Variants in BCLAF1 observed in about 807,000 individuals in gnomAD.
BCLAF1 encodes the protein bcl-2-associated transcription factor 1.
In BCLAF1, 10 loss-of-function variants were observed where a neutral mutation model predicts 99.5. The ratio of observed to expected loss-of-function variants is 0.10; its 90% CI spans 0.06 to 0.17. The LOEUF (loss-of-function observed/expected upper bound fraction) is 0.17. BCLAF1 is among the 10% of genes least tolerant of loss of function. The pLI, the probability that BCLAF1 is intolerant of heterozygous loss-of-function variation, is 1.00. For missense variants in BCLAF1, 636 were observed against 1,105.8 expected (o/e 0.58, Z 6.02); for synonymous variants, 255 against 370.9 (o/e 0.69, Z 3.59).
chr6:136,276,564 C>T (rs1783445219), intron 4 of BCLAF1, 56 bp from the exon 5 acceptor site: 1 of 1,503,514 alleles, frequency 6.7e-7, no homozygotes, highest in Admixed American at 2.2e-5. Flanking sequence ...CTGTAGATCG[C>T]TTCCATATTT....
Position 136,269,537 on chromosome 6 carries a change from C to G in BCLAF1, c.2119G>C (p.Glu707Gln). The G allele has an allele frequency of 6.2e-7, 1 of 1,612,434 alleles. No individual in the cohort carries two copies. Among genetic ancestry groups the G allele is most frequent in the Non-Finnish European group, 8.5e-7 (1 of 1,179,018 alleles). The change falls in exon 9 of 13, where the codon GAA (glutamate) becomes CAA (glutamine). Residue 707 changes from glutamate (E) to glutamine (Q), a missense_variant. Glu to Gln is a conservative substitution (Grantham distance 29, BLOSUM62 2). Coordinates refer to ENST00000531224, the MANE Select transcript of BCLAF1 (RefSeq NM_014739.3). ...IDRRRKERSK[E>Q]RGDSKGSRES... ...CTGGAGCCCTTGGAATCTCCCCGTT[C>G]TTTACTTCTTTCTTTTCTACGGCGA...
chr6:136,273,287 A>G (rs1346744260), intron 6 of BCLAF1, 100 bp from the exon 7 acceptor site: 6 of 996,660 alleles, frequency 6.0e-6, no homozygotes, highest in Non-Finnish European at 7.5e-6. Flanking sequence ...GAAAATAAAA[A>G]TAAGAAACCT....
At position 136,278,164 on chromosome 6, in the gene BCLAF1, A is replaced by C. The variant is rs1165633993; in HGVS notation, c.717T>G (p.Ser239Arg). The change falls in exon 4 of 13, where the codon AGT (serine) becomes AGG (arginine). Residue 239 changes from serine to arginine, a missense_variant. Ser to Arg is a moderately radical substitution (Grantham distance 110). This residue lies in a region of BCLAF1 where 65 missense variants were observed against 90.9 expected (regional missense o/e 0.71). Transcript: ENST00000531224. The stretch of plus-strand genomic sequence containing the variant: ...GCATGGGAGCATCAGAGCAAGATGA[A>C]CTCTGACTAGGTGGTGTAGCAATAG... ...PSPIATPPSQ[S>R]SSCSDAPMLS... The C allele has an allele frequency of 2.5e-6, 4 of 1,612,730 alleles. No individual in the cohort carries two copies. Among genetic ancestry groups the C allele is most frequent in the Non-Finnish European group, 3.4e-6 (4 of 1,179,358 alleles).
intron 11 of BCLAF1, among the ~76,000 whole-genome samples, chr6:136,266,155 T>C (rs1450894628): frequency 3.9e-5 from 6 of 152,198 alleles, no homozygotes; most frequent in Non-Finnish European, 7.4e-5. Flanking sequence ...CTTCAAACTA[T>C]AGCTATAACC....
rs35195968 is a variant in BCLAF1, at chr6:136,256,669, C to CAATAAATAAATAAATAAATAAATA, written c.*4417_*4440dup. The CAATAAATAAATAAATAAATAAATA allele has an allele frequency of 2.0e-5, 3 of 152,318 alleles. No individual in the cohort carries two copies. The highest frequency in any genetic ancestry group is 1.9e-4 in the East Asian group (1 of 5,220). 9.4% of individuals were successfully genotyped at this position (152,318 alleles called of 1,614,324 possible). A position where few individuals can be genotyped will look rare whatever the true frequency, so the allele number is the denominator to read the frequency against. ...CTCTAGTCTGGGTAAGACTCCATCT[C>CAATAAATAAATAAATAAATAAATA]AATAAATAAATAAATAAATAAATAA... On this transcript the variant is annotated 3_prime_UTR_variant, in exon 13 of 13. Coordinates refer to ENST00000531224, the MANE Select transcript of BCLAF1 (RefSeq NM_014739.3).
At position 136,257,987 on chromosome 6, in the gene BCLAF1, A is replaced by G. The variant is rs544884508; in HGVS notation, c.*3123T>C. 2 of 152,280 alleles carry G rather than the reference A, an allele frequency of 1.3e-5. No homozygotes were observed. The highest frequency in any genetic ancestry group is 4.1e-4 in the South Asian group (2 of 4,834). 9.4% of individuals were successfully genotyped at this position (152,280 alleles called of 1,614,324 possible). A position where few individuals can be genotyped will look rare whatever the true frequency, so the allele number is the denominator to read the frequency against. On this transcript the variant is annotated 3_prime_UTR_variant, in exon 13 of 13. Coordinates refer to ENST00000531224, the MANE Select transcript of BCLAF1 (RefSeq NM_014739.3). ...ATAATTAAGCTACCAATGATCTTAC[A>G]CAACACTTTACATGCATATGTATGT...
rs1365735035 is a variant in BCLAF1, at chr6:136,260,611, T to C, written c.*499A>G. ...TTAGTTTACCATAGTAACAACTTTT[T>C]GTCTGTGGTATACTTCAAAAATCAG... On this transcript the variant is annotated 3_prime_UTR_variant, in exon 13 of 13. Coordinates refer to ENST00000531224, the MANE Select transcript of BCLAF1 (RefSeq NM_014739.3). 7.0e-5 allele frequency: 11 copies of C among 157,064 alleles called. No homozygotes were observed. Among genetic ancestry groups the C allele is most frequent in the East Asian group, 1.9e-4 (1 of 5,384 alleles). 9.7% of individuals were successfully genotyped at this position (157,064 alleles called of 1,614,324 possible).
At chr6:136,265,045 T>C (rs1781534734) in intron 11 of BCLAF1, among the ~76,000 whole-genome samples, 1 of 152,190 alleles carries the variant, frequency 6.6e-6, no homozygotes, top group Non-Finnish European at 1.5e-5. Flanking sequence ...ATTTAATATT[T>C]GTAAATTGTT....
chr6:136,270,073 C>A (rs748898591), intron 8 of BCLAF1: 1 of 151,752 alleles, frequency 6.6e-6, no homozygotes, highest in Non-Finnish European at 1.5e-5. Context: ...ATTACTTAAG[C>A]CTCATTATGA....
chr6:136,284,711 T>C (rs1250275267), intron 1 of BCLAF1, among the ~76,000 whole-genome samples: 1 of 152,208 alleles, frequency 6.6e-6, no homozygotes, highest in Non-Finnish European at 1.5e-5. Flanking sequence ...GGCACTACTA[T>C]TCTAACGTTG....
intron 11 of BCLAF1, among the ~76,000 whole-genome samples, chr6:136,263,510 T>C (rs1190127050): frequency 6.6e-6 from 1 of 152,168 alleles, no homozygotes; most frequent in African/African-American, 2.4e-5. Context: ...AAGATTTCAG[T>C]CTCATTATTA....
At position 136,258,084 on chromosome 6, in the gene BCLAF1, G is replaced by C. The variant is rs921990168; in HGVS notation, c.*3026C>G. ...CATTTGTATGAGTCAAAATGTGTCAGTTTGTCTTAGTACACAAATTTCTGT... is the reference window on the plus strand; with the variant it reads ...CATTTGTATGAGTCAAAATGTGTCACTTTGTCTTAGTACACAAATTTCTGT... On this transcript the variant is annotated 3_prime_UTR_variant, in exon 13 of 13. Coordinates refer to ENST00000531224, the MANE Select transcript of BCLAF1 (RefSeq NM_014739.3). 6.6e-6 allele frequency: 1 copy of C among 152,066 alleles called. No individual in the cohort carries two copies. The highest frequency in any genetic ancestry group is 1.5e-5 in the Non-Finnish European group (1 of 67,930). The allele number at this position is 152,066 out of a possible 1,614,324, so 9.4% of individuals were successfully genotyped here. A position where few individuals can be genotyped will look rare whatever the true frequency, so the allele number is the denominator to read the frequency against.
At chr6:136,289,484 C>T (rs1484758795) in intron 1 of BCLAF1, among the ~76,000 whole-genome samples, 1 of 152,012 alleles carries the variant, frequency 6.6e-6, no homozygotes, top group Non-Finnish European at 1.5e-5. Flanking sequence ...TTCGCAAACA[C>T]GCGCGCGCCC....
chr6:136,273,774 T>C (rs781171700), intron 6 of BCLAF1, among the ~76,000 whole-genome samples: 3 of 152,070 alleles, frequency 2.0e-5, no homozygotes, highest in Non-Finnish European at 4.4e-5. Context: ...GCAAATTTGA[T>C]ATTGCTGTTT....
In BCLAF1 at chr6:136,260,061, T is replaced by C. The variant is rs1023202358; in HGVS notation, c.*1049A>G. 6.6e-6 allele frequency: 1 copy of C among 152,010 alleles called. No homozygotes were observed. The allele number at this position is 152,010 out of a possible 1,614,324, so 9.4% of individuals were successfully genotyped here. A position where few individuals can be genotyped will look rare whatever the true frequency, so the allele number is the denominator to read the frequency against. On this transcript the variant is annotated 3_prime_UTR_variant, in exon 13 of 13. Coordinates refer to ENST00000531224, the MANE Select transcript of BCLAF1 (RefSeq NM_014739.3). ...CCGCAACAAGCTTCCTGCCAAAACTTTTATTGGTGACATTTGAAAAACAAT... is the reference window on the plus strand; with the variant it reads ...CCGCAACAAGCTTCCTGCCAAAACTCTTATTGGTGACATTTGAAAAACAAT...
intron 3 of BCLAF1, among the ~76,000 whole-genome samples, chr6:136,279,217 G>C (rs914235716): frequency 6.6e-6 from 1 of 152,044 alleles, no homozygotes; most frequent in African/African-American, 2.4e-5. Flanking sequence ...ATAAAGTTAA[G>C]CCTGGTGGGG....
chr6:136,289,007 A>G (rs1169285122), intron 1 of BCLAF1, among the ~76,000 whole-genome samples: 1 of 152,198 alleles, frequency 6.6e-6, no homozygotes, highest in Non-Finnish European at 1.5e-5. Flanking sequence ...GCACCAGTCA[A>G]CAGCGCGCGC....
Position 136,258,750 on chromosome 6 carries a change from A to G in BCLAF1, c.*2360T>C, listed in dbSNP as rs1045178310. ...CAACACTGATTTTACCTGTGACAAA[A>G]GGAACAATAGTAATTCCTTGAAGAA... On this transcript the variant is annotated 3_prime_UTR_variant, in exon 13 of 13. Transcript: ENST00000531224. The G allele has an allele frequency of 6.6e-6, 1 of 152,530 alleles. No homozygotes were observed. Among genetic ancestry groups the G allele is most frequent in the Non-Finnish European group, 1.5e-5 (1 of 67,928 alleles). The allele number at this position is 152,530 out of a possible 1,614,324, so 9.4% of individuals were successfully genotyped here. A position where few individuals can be genotyped will look rare whatever the true frequency, so the allele number is the denominator to read the frequency against.
intron 11 of BCLAF1, among the ~76,000 whole-genome samples, chr6:136,263,254 G>C (rs113615378): frequency 1.1e-4 from 16 of 152,234 alleles, no homozygotes; most frequent in African/African-American, 3.4e-4. Flanking sequence ...ACATTTCCCA[G>C]ATATCTTGGT....
Sources: gnomAD v4.1 joint callset for allele counts (sites outside exome capture counted in the v4.1 genomes callset) on GRCh38, gnomAD v4.1.1 for gene constraint, gnomAD v4.1.1 regional missense constraint, MANE v1.5 for transcripts, NCBI Gene and HGNC (gene_info 2026-07-23, HGNC 2026-07-21) for gene names.